DPYD: variants seen among roughly 807,000 people sequenced by gnomAD.
DPYD encodes dihydropyrimidine dehydrogenase [NADP(+)].
In DPYD, 109 loss-of-function variants were observed where a neutral mutation model predicts 116.2. The ratio of observed to expected loss-of-function variants is 0.94; its 90% CI spans 0.80 to 1.10. DPYD has a LOEUF of 1.10. Ranked by LOEUF, DPYD falls within the 50% of genes least tolerant of loss-of-function variation. The pLI is 0.00. For missense variants in DPYD, 1,302 were observed against 1,254.5 expected (o/e 1.04, Z -0.57); for synonymous variants, 440 against 432.0 (o/e 1.02, Z -0.23).
At chr1:97,639,798 A>G (rs1479592647) in intron 8 of DPYD, among the ~76,000 whole-genome samples, 2 of 152,314 alleles carry the variant, frequency 1.3e-5, no homozygotes, top group Non-Finnish European at 2.9e-5. Flanking sequence ...TCAAGAAACT[A>G]CTATGGAGGC....
At chr1:97,818,691 C>T (rs1376104520) in intron 3 of DPYD, among the ~76,000 whole-genome samples, 2 of 151,904 alleles carry the variant, frequency 1.3e-5, no homozygotes, top group African/African-American at 4.8e-5. Flanking sequence ...TTCACTCACT[C>T]CTAAAGTGAA....
chr1:97,328,132 G>C (rs949873487), intron 16 of DPYD, among the ~76,000 whole-genome samples: 1 of 152,088 alleles, frequency 6.6e-6, no homozygotes, highest in Non-Finnish European at 1.5e-5. Context: ...AGAGTATACA[G>C]GGCTTCTATG....
chr1:97,748,634 A>G lies in DPYD; in HGVS notation c.234-8155T>C, dbSNP rs144813958. On this transcript the variant is annotated intron_variant, in intron 3 of 22. Transcript: ENST00000370192. ...AAATTAATAAATAAAACAAAAGACT[A>G]TAATTCATCTTTGGTTCTCAGTGCG... 1.7e-3 allele frequency among the ~76,000 whole-genome samples: 261 copies of G among 152,268 alleles called. 2 individuals carry two copies. The highest frequency in any genetic ancestry group is 7.8e-4 in the Non-Finnish European group (53 of 68,026).
intron 19 of DPYD, among the ~76,000 whole-genome samples, chr1:97,225,031 A>ATCTATCTG (rs1232385937): frequency 6.6e-6 from 1 of 151,140 alleles, no homozygotes; most frequent in African/African-American, 2.4e-5. Context: ...CTATCTATCT[A>ATCTATCTG]TCTATCTATC....
intron 3 of DPYD, among the ~76,000 whole-genome samples, chr1:97,758,049 C>T (rs1441249409): frequency 1.3e-5 from 2 of 152,114 alleles, no homozygotes; most frequent in African/African-American, 2.4e-5. Context: ...TCACAAAATA[C>T]TTCAGTCATA....
chr1:97,737,714 G>A (rs1664037657), intron 4 of DPYD, among the ~76,000 whole-genome samples: 1 of 152,020 alleles, frequency 6.6e-6, no homozygotes, highest in Non-Finnish European at 1.5e-5. Context: ...ATGTGTGTGT[G>A]TTTGTGTGTG....
intron 20 of DPYD, among the ~76,000 whole-genome samples, chr1:97,159,351 T>C (rs1032586155): frequency 6.6e-6 from 1 of 152,014 alleles, no homozygotes; most frequent in Non-Finnish European, 1.5e-5. Context: ...CTCAGTGAAC[T>C]TGAACATGGA....
chr1:97,291,813 T>C (rs532685255), intron 18 of DPYD, among the ~76,000 whole-genome samples: 2 of 152,200 alleles, frequency 1.3e-5, no homozygotes, highest in East Asian at 3.9e-4. Flanking sequence ...ATTGTGCACA[T>C]GTACCCTAAA....
intron 5 of DPYD, among the ~76,000 whole-genome samples, chr1:97,707,696 A>G (rs1662057098): frequency 6.6e-6 from 1 of 151,996 alleles, no homozygotes; most frequent in African/African-American, 2.4e-5. Context: ...TGAGCAGACT[A>G]AGCATTCTAA....
intron 14 of DPYD, among the ~76,000 whole-genome samples, chr1:97,417,390 A>G (rs560492609): frequency 6.6e-6 from 1 of 152,344 alleles, no homozygotes; most frequent in East Asian, 1.9e-4. Flanking sequence ...CTCAACCAAT[A>G]TTAGCTACTT....
rs562865744 is a variant in DPYD at position 97,289,008 on chromosome 1, A to G, written c.2299+16251T>C. Among the ~76,000 whole-genome samples, 12 of 152,324 alleles carry G rather than the reference A, an allele frequency of 7.9e-5. No homozygotes were observed. The South Asian group carries it at 2.5e-3, about 32-fold the overall frequency. On this transcript the variant is annotated intron_variant, in intron 18 of 22. Coordinates refer to ENST00000370192, the MANE Select transcript of DPYD (RefSeq NM_000110.4). ...AATAAAAAATGATAAAGGGGACATCACCACTGATACTGCAGAAATACAAAC... is the reference window on the plus strand; with the variant it reads ...AATAAAAAATGATAAAGGGGACATCGCCACTGATACTGCAGAAATACAAAC...
intron 11 of DPYD, among the ~76,000 whole-genome samples, chr1:97,566,217 C>T (rs556697765): frequency 2.0e-4 from 30 of 152,250 alleles, no homozygotes; most frequent in Non-Finnish European, 3.8e-4. Flanking sequence ...CTGAGCCTCC[C>T]CTGTTAAAAT....
In DPYD at chr1:97,764,193, ATAAAG is replaced by A. The variant is rs543955390; in HGVS notation, c.234-23719_234-23715del. Among the ~76,000 whole-genome samples, 412 of 152,186 alleles carry A rather than the reference ATAAAG, an allele frequency of 2.7e-3. 1 individual carries two copies. Among genetic ancestry groups the A allele is most frequent in the African/African-American group, 9.6e-3 (400 of 41,576 alleles). ...AAGTGAAAAAAGGAGGGAAGATTAC[ATAAAG>A]TAAAGAGAGAAAAACAAGAAAAGAG... On this transcript the variant is annotated intron_variant, in intron 3 of 22. Transcript: ENST00000370192.
At chr1:97,778,111 C>T (rs1245478923) in intron 3 of DPYD, among the ~76,000 whole-genome samples, 1 of 143,926 alleles carries the variant, frequency 6.9e-6, no homozygotes, top group African/African-American at 2.6e-5. Flanking sequence ...TGAGTCAAGG[C>T]TCCGCCACTG....
intron 2 of DPYD, among the ~76,000 whole-genome samples, chr1:97,868,376 T>C (rs1671496966): frequency 1.3e-5 from 2 of 151,798 alleles, no homozygotes; most frequent in South Asian, 4.1e-4. Context: ...CACAAAAGAC[T>C]TCAAATGATA....
intron 14 of DPYD, among the ~76,000 whole-genome samples, chr1:97,395,519 A>G (rs1333335040): frequency 1.3e-5 from 2 of 151,994 alleles, no homozygotes; most frequent in Non-Finnish European, 2.9e-5. Context: ...GTTCCTCTCT[A>G]CTACATCAAG....
At chr1:97,246,735 C>T (rs550894151) in intron 18 of DPYD, among the ~76,000 whole-genome samples, 1 of 152,024 alleles carries the variant, frequency 6.6e-6, no homozygotes, top group African/African-American at 2.4e-5. Context: ...TTCTATATGG[C>T]ATTTTACTTT....
At chr1:97,139,302 G>A (rs1654034994) in intron 20 of DPYD, among the ~76,000 whole-genome samples, 1 of 151,948 alleles carries the variant, frequency 6.6e-6, no homozygotes, top group Non-Finnish European at 1.5e-5. Context: ...TCACGCCAGT[G>A]GGATTTTTAG....
chr1:97,546,695 C>T, intron 12 of DPYD: 2 of 1,612,832 alleles, frequency 1.2e-6, no homozygotes, highest in Non-Finnish European at 1.7e-6. Flanking sequence ...CATGTGTGTA[C>T]ACTAAAAGAT....
Sources: allele counts gnomAD v4.1 joint callset (sites outside exome capture counted in the v4.1 genomes callset), GRCh38; gene constraint gnomAD v4.1.1; transcripts MANE v1.5; gene names NCBI Gene and HGNC (gene_info 2026-07-23, HGNC 2026-07-21).